MAPRE3: variants seen among roughly 807,000 people sequenced by gnomAD.
MAPRE3 encodes the protein microtubule associated protein RP/EB family member 3.
A neutral mutation model predicts 30.5 loss-of-function variants in MAPRE3; 2 were observed. The ratio of observed to expected loss-of-function variants is 0.07; its 90% CI spans 0.03 to 0.21. The LOEUF (loss-of-function observed/expected upper bound fraction) is 0.21. Ranked by LOEUF, MAPRE3 falls within the 10% of genes least tolerant of loss-of-function variation. The pLI is 1.00. For missense variants in MAPRE3, 204 were observed against 351.8 expected (o/e 0.58, Z 3.36); for synonymous variants, 110 against 127.7 (o/e 0.86, Z 0.93).
intron 1 of MAPRE3, among the ~76,000 whole-genome samples, chr2:26,984,005 G>A (rs943979931): frequency 3.3e-5 from 5 of 152,214 alleles, no homozygotes; most frequent in South Asian, 4.1e-4. Flanking sequence ...TGACTGCCAA[G>A]TCCACAGTTA....
intron 1 of MAPRE3, among the ~76,000 whole-genome samples, chr2:26,975,823 A>T (rs986596838): frequency 1.1e-4 from 16 of 152,146 alleles, no homozygotes; most frequent in African/African-American, 3.6e-4. Flanking sequence ...TGACAGCTTC[A>T]AGCAGGCCCA....
chr2:27,019,618 G>A (rs897414072), intron 1 of MAPRE3, among the ~76,000 whole-genome samples: 2 of 152,228 alleles, frequency 1.3e-5, no homozygotes, highest in Non-Finnish European at 2.9e-5. Flanking sequence ...AAACTCAAGT[G>A]CAGTCAACAT....
chr2:26,973,717 G>A (rs1417657678), intron 1 of MAPRE3, among the ~76,000 whole-genome samples: 9 of 151,954 alleles, frequency 5.9e-5, no homozygotes, highest in Admixed American at 3.3e-4. Flanking sequence ...CACCGCGCCC[G>A]GCTAATTTTT....
At chr2:27,008,456 T>C (rs1666776915) in intron 1 of MAPRE3, among the ~76,000 whole-genome samples, 1 of 152,020 alleles carries the variant, frequency 6.6e-6, no homozygotes, top group Non-Finnish European at 1.5e-5. Context: ...AGTTATGAAA[T>C]TTATTTTAAA....
chr2:27,007,048 A>G (rs1666745377), intron 1 of MAPRE3, among the ~76,000 whole-genome samples: 1 of 152,256 alleles, frequency 6.6e-6, no homozygotes, highest in Non-Finnish European at 1.5e-5. Context: ...GAAAAGCAGG[A>G]GAATAGAGCT....
intron 1 of MAPRE3, among the ~76,000 whole-genome samples, chr2:26,992,372 A>G (rs1666361427): frequency 6.8e-6 from 1 of 147,772 alleles, no homozygotes; most frequent in African/African-American, 2.5e-5. Context: ...GTTTACAGGC[A>G]TGCACCACCA....
Position 27,024,285 on chromosome 2 carries a change from A to G in MAPRE3, c.457A>G (p.Ile153Val). ...GATCTTCAACAAATCCAAGAAACTC[A>G]TTGGCACAGCAGGTAACGTGCCCGA... ...DQIFNKSKKL[I>V]GTAVPQRTSP... The change falls in exon 4 of 7, where the codon ATT becomes GTT. Residue 153 changes from isoleucine (I) to valine (V), a missense_variant. Around this residue, in one of 5 missense-constraint regions of MAPRE3, gnomAD observed 101 missense variants for 205.4 expected, o/e 0.49. Coordinates refer to ENST00000233121, the MANE Select transcript of MAPRE3 (RefSeq NM_012326.4). 6.2e-7 allele frequency: 1 copy of G among 1,612,664 alleles called. No individual in the cohort carries two copies. The highest frequency in any genetic ancestry group is 8.5e-7 in the Non-Finnish European group (1 of 1,178,706).
intron 1 of MAPRE3, among the ~76,000 whole-genome samples, chr2:26,987,878 G>A (rs906813916): frequency 1.3e-5 from 2 of 152,126 alleles, no homozygotes; most frequent in African/African-American, 2.4e-5. Context: ...TGCATGCCTC[G>A]GAAACTTGCC....
At chr2:26,981,815 G>A (rs1481138559) in intron 1 of MAPRE3, among the ~76,000 whole-genome samples, 1 of 152,170 alleles carries the variant, frequency 6.6e-6, no homozygotes, top group Non-Finnish European at 1.5e-5. Context: ...CTACACTCCA[G>A]TAGTGTTCAA....
chr2:27,023,736 A>G, intron 3 of MAPRE3: 1 of 522,872 alleles, frequency 1.9e-6, no homozygotes, highest in Non-Finnish European at 3.5e-6. Flanking sequence ...AGCTCTGTGC[A>G]CCGCTCCTGT....
At chr2:27,008,756 A>C (rs1666781186) in intron 1 of MAPRE3, among the ~76,000 whole-genome samples, 1 of 152,210 alleles carries the variant, frequency 6.6e-6, no homozygotes, top group African/African-American at 2.4e-5. Flanking sequence ...GAAAGTTCTC[A>C]TAGGGTGTAT....
At position 26,985,165 on chromosome 2, in the gene MAPRE3, C is replaced by T. The variant is rs1384736403; in HGVS notation, c.-8+14363C>T. Among the ~76,000 whole-genome samples, 2 of 152,146 alleles carry T rather than the reference C, an allele frequency of 1.3e-5. No homozygotes were observed. The highest frequency in any genetic ancestry group is 2.9e-5 in the Non-Finnish European group (2 of 68,036). On this transcript the variant is annotated intron_variant, in intron 1 of 6. Transcript: ENST00000233121. This position sits in a 1 kb window ranked among gnomAD's most constrained non-coding sequence, Gnocchi z 4.2. ...AGCCTCAATATCATTTGCTTAGTAC[C>T]GTTTAGGTAGATGGTGCTTCGGCCC...
chr2:26,974,065 G>T (rs1038215066), intron 1 of MAPRE3, among the ~76,000 whole-genome samples: 1 of 152,202 alleles, frequency 6.6e-6, no homozygotes, highest in Non-Finnish European at 1.5e-5. Context: ...CATGCAGAAC[G>T]TATGTAAAAA....
chr2:26,997,646 A>G (rs1196569047), intron 1 of MAPRE3, among the ~76,000 whole-genome samples: 1 of 152,184 alleles, frequency 6.6e-6, no homozygotes, highest in African/African-American at 2.4e-5. Context: ...ACGGACCCGT[A>G]CTAGTCCACA....
intron 1 of MAPRE3, among the ~76,000 whole-genome samples, chr2:26,982,757 A>C (rs1430056949): frequency 6.6e-6 from 1 of 152,218 alleles, no homozygotes; most frequent in Non-Finnish European, 1.5e-5. Flanking sequence ...TGAGGCAGGG[A>C]CCATGTGAGA....
At position 27,015,038 on chromosome 2, in the gene MAPRE3, A is replaced by G. The variant is rs1283199625; in HGVS notation, c.-7-7174A>G. ...ATGGGAAATCTGGAGCTGGGGAGGG[A>G]TTGTGGTCAGAGCCCAGCTTTGGGA... On this transcript the variant is annotated intron_variant, in intron 1 of 6. Transcript: ENST00000233121. This position sits in a 1 kb window ranked among gnomAD's most constrained non-coding sequence, Gnocchi z 4.0. The G allele has an allele frequency of 6.6e-6, 1 of 152,192 alleles. No individual in the cohort carries two copies. The highest frequency in any genetic ancestry group is 1.5e-5 in the Non-Finnish European group (1 of 68,084). The allele number at this position is 152,192 out of a possible 1,614,324, so 9.4% of individuals were successfully genotyped here.
intron 1 of MAPRE3, among the ~76,000 whole-genome samples, chr2:27,004,386 C>T (rs961131289): frequency 1.3e-5 from 2 of 152,164 alleles, no homozygotes; most frequent in African/African-American, 4.8e-5. Context: ...AAGCCTAAGT[C>T]ATTTTCCACT....
chr2:27,025,213 C>A (rs1159360673), intron 4 of MAPRE3, among the ~76,000 whole-genome samples: 1 of 152,224 alleles, frequency 6.6e-6, no homozygotes, highest in Admixed American at 6.5e-5. Context: ...CCTGTGCCAG[C>A]TGCCTTTCCT....
At chr2:27,002,373 A>G (rs1228380096) in intron 1 of MAPRE3, among the ~76,000 whole-genome samples, 3 of 152,030 alleles carry the variant, frequency 2.0e-5, no homozygotes, top group Non-Finnish European at 4.4e-5. Flanking sequence ...AATTCCTAGA[A>G]GTGGAATTAA....
Sources: gnomAD v4.1 joint callset for allele counts (sites outside exome capture counted in the v4.1 genomes callset) on GRCh38, gnomAD v4.1.1 for gene constraint, gnomAD v4.1.1 regional missense constraint, Gnocchi (gnomAD v3.1) non-coding constraint, MANE v1.5 for transcripts, NCBI Gene and HGNC (gene_info 2026-07-23, HGNC 2026-07-21) for gene names.